The following SERHL2 variants were observed in gnomAD, a reference collection of about 807,000 sequenced individuals.
SERHL2 encodes serine hydrolase like 2, also known as serine hydrolase-like protein 2.
SERHL2 carries 29 observed loss-of-function variants against 25.5 expected under a neutral mutation model. That is an observed-to-expected ratio of 1.14 (90% CI 0.85 to 1.55). The LOEUF is 1.55. Ranked by LOEUF, SERHL2 falls within the 40% of genes most tolerant of loss-of-function variation. The pLI, the probability that SERHL2 is intolerant of heterozygous loss-of-function variation, is 0.00. For missense variants in SERHL2, 240 were observed against 252.3 expected, an observed-to-expected ratio of 0.95 and a Z score of 0.33; for synonymous variants, 95 against 103.5, an observed-to-expected ratio of 0.92 and a Z score of 0.50.
intron 9 of SERHL2, chr22:42,569,726 G>C (rs1923899679): frequency 6.6e-6 from 1 of 150,842 alleles, no homozygotes; most frequent in African/African-American, 2.5e-5. Context: ...GGGAACCCCT[G>C]TTTCAGGGAA....
intron 11 of SERHL2, chr22:42,573,174 G>C (rs1924480953): frequency 6.6e-6 from 1 of 151,766 alleles, no homozygotes; most frequent in Non-Finnish European, 1.5e-5. Context: ...TGTCACAAAG[G>C]GAAGAAGCCC....
chr22:42,559,979 G>A (rs534200204), intron 7 of SERHL2, among the ~76,000 whole-genome samples: 1 of 151,828 alleles, frequency 6.6e-6, no homozygotes, highest in Admixed American at 6.6e-5. Flanking sequence ...GTCCAGCTAA[G>A]TTTTGTATTT....
At chr22:42,563,916 A>T (rs1923009280) in intron 8 of SERHL2, among the ~76,000 whole-genome samples, 2 of 151,764 alleles carry the variant, frequency 1.3e-5, no homozygotes, top group Non-Finnish European at 2.9e-5. Flanking sequence ...TCTACTAAAA[A>T]TACAAAAGTA....
At position 42,572,772 on chromosome 22, in the gene SERHL2, C is replaced by T. The variant is rs968771933; in HGVS notation, c.825+243C>T. 9 of 968,262 alleles carry T rather than the reference C, an allele frequency of 9.3e-6. No homozygotes were observed. In the Admixed American group the frequency reaches 4.9e-4, roughly 53 times the overall value. The allele number at this position is 968,262 out of a possible 1,614,324, so 60.0% of individuals were successfully genotyped here. A position where few individuals can be genotyped will look rare whatever the true frequency, so the allele number is the denominator to read the frequency against. ...GAACCCCTGCCAGGTTCAAGCTACT[C>T]TCGTGCCTCAGCCTCCTGAGTAGCT... On this transcript the variant is annotated intron_variant, in intron 11 of 11. Coordinates refer to ENST00000327678, the MANE Select transcript of SERHL2 (RefSeq NM_014509.5).
chr22:42,571,478 C>A, intron 10 of SERHL2: 3 of 1,284,934 alleles, frequency 2.3e-6, no homozygotes, highest in Non-Finnish European at 3.0e-6. Context: ...GGCTCCATAA[C>A]CAGTGAGCCC....
chr22:42,563,190 CTTTTTTTT>C lies in SERHL2; in HGVS notation c.613+2933_613+2940del, dbSNP rs754138896. Among the ~76,000 whole-genome samples, 71 of 97,990 alleles carry C rather than the reference CTTTTTTTT, an allele frequency of 7.2e-4. 2 individuals are homozygous for C. The highest frequency in any genetic ancestry group is 4.1e-3 in the Admixed American group (44 of 10,850). The allele number at this position is 97,990 out of a possible 152,430, so 64.3% of individuals were successfully genotyped here. On this transcript the variant is annotated intron_variant, in intron 8 of 11. Coordinates refer to ENST00000327678, the MANE Select transcript of SERHL2 (RefSeq NM_014509.5). ...CAAGACCCTGGCTTTTTCTTTTTTT[CTTTTTTTT>C]TTTTTTTGTTGTTGTTGTTGTTTTC...
At chr22:42,572,313 G>C in intron 10 of SERHL2, 123 bp from the exon 11 acceptor site, 5 of 652,774 alleles carry the variant, frequency 7.7e-6, no homozygotes, top group Non-Finnish European at 1.3e-5. Context: ...ACCCAGCTGT[G>C]GGAGTTGGGG....
rs565064303 is a variant in SERHL2 at position 42,563,606 on chromosome 22, GATA to G, written c.614-2692_614-2690del. ...TAAGCTGGACTGCATACAGGTTGCAGATAATAATTTGTTTAACTTGTGCAGTTT... is the reference window on the plus strand; with the variant it reads ...TAAGCTGGACTGCATACAGGTTGCAGATAATTTGTTTAACTTGTGCAGTTT... On this transcript the variant is annotated intron_variant, in intron 8 of 11. Coordinates refer to ENST00000327678, the MANE Select transcript of SERHL2 (RefSeq NM_014509.5). The G allele has an allele frequency of 3.5e-3, 640 of 180,892 alleles. 6 individuals are homozygous for G. The highest frequency in any genetic ancestry group is 0.014 in the African/African-American group (599 of 42,128). The allele number at this position is 180,892 out of a possible 1,614,324, so 11.2% of individuals were successfully genotyped here.
At chr22:42,560,119 TCTCCTTTTTATCTGAC>T (rs1922498452) in intron 7 of SERHL2, 51 bp from the exon 8 acceptor site, 1 of 1,240,294 alleles carries the variant, frequency 8.1e-7, no homozygotes, top group African/African-American at 1.5e-5. Flanking sequence ...CCGGCCCTCC[TCTCCTTTTTATCTGAC>T]CTCCTTTTTA....
intron 1 of SERHL2, among the ~76,000 whole-genome samples, chr22:42,554,644 T>TGACCAGCGCCCCCGCCCC (rs1249435256): frequency 6.6e-6 from 1 of 152,004 alleles, no homozygotes. Flanking sequence ...GGTCCAGGCC[T>TGACCAGCGCCCCCGCCCC]GACCAGCGCC....
chr22:42,571,364 T>C (rs1924163674), intron 10 of SERHL2, 161 bp downstream of exon 10: 1 of 1,460,380 alleles, frequency 6.8e-7, no homozygotes. Flanking sequence ...AGCAGGGTCA[T>C]GGAAGGAGGA....
Position 42,573,936 on chromosome 22 carries a change from C to T in SERHL2, c.826C>T (p.Gln276Ter). The change falls in exon 12 of 12, where the codon CAG (glutamine) becomes TAG (stop). Residue 276 changes from glutamine to a stop codon, truncating the protein, a stop_gained and splice_region_variant. Coordinates refer to ENST00000327678, the MANE Select transcript of SERHL2 (RefSeq NM_014509.5). LOFTEE classifies it low-confidence loss of function (END_TRUNC). ...IDTMKSTLKE[Q>*]FQFVEVPGNH... is the part of the protein sequence containing the mutation. ...ACCACCCACCCCCTCCCCTCTCCAG[C>T]AGTTCCAGTTTGTGGAAGTCCCAGG... 1 of 1,609,408 alleles carries T rather than the reference C, an allele frequency of 6.2e-7. No individual in the cohort carries two copies. Among genetic ancestry groups the T allele is most frequent in the Non-Finnish European group, 8.5e-7 (1 of 1,176,860 alleles).
chr22:42,562,328 G>GA, intron 8 of SERHL2, among the ~76,000 whole-genome samples: 1 of 151,816 alleles, frequency 6.6e-6, no homozygotes. Flanking sequence ...GATTCCTCCA[G>GA]AATCTGGAGC....
rs11913884 is a variant in SERHL2, at chr22:42,571,234, C to T, written c.731+31C>T. On this transcript the variant is annotated intron_variant, in intron 10 of 11. Transcript: ENST00000327678. ...TCTGGACCCATCCCCTTCAGCCACC[C>T]GCCAAGGAGACATGGGCGCCAGGAA... The T allele has an allele frequency of 9.7e-4, 1,559 of 1,606,384 alleles. 26 individuals are homozygous for T. In the African/African-American group the frequency reaches 0.016, roughly 16 times the overall value.
intron 9 of SERHL2, 98 bp downstream of exon 9, chr22:42,566,436 T>G: frequency 7.7e-6 from 9 of 1,163,442 alleles, no homozygotes; most frequent in Non-Finnish European, 1.0e-5. Flanking sequence ...CTCACGCCTG[T>G]AATCCCAGCT....
chr22:42,571,363 A>G (rs1179701460), intron 10 of SERHL2, 160 bp downstream of exon 10: 17 of 1,460,942 alleles, frequency 1.2e-5, no homozygotes, highest in Non-Finnish European at 1.4e-5. Context: ...CAGCAGGGTC[A>G]TGGAAGGAGG....
chr22:42,563,699 C>T (rs1198094494), intron 8 of SERHL2, among the ~76,000 whole-genome samples: 2 of 151,846 alleles, frequency 1.3e-5, no homozygotes, highest in African/African-American at 2.4e-5. Context: ...TTTTATTATA[C>T]TCTTTTTATT....
intron 8 of SERHL2, among the ~76,000 whole-genome samples, chr22:42,563,806 G>GC (rs1922998623): frequency 6.6e-6 from 1 of 151,980 alleles, no homozygotes; most frequent in African/African-American, 2.4e-5. Flanking sequence ...AGGCACAGTG[G>GC]CTCATGCCTG....
chr22:42,565,662 C>A (rs1230715505), intron 8 of SERHL2, among the ~76,000 whole-genome samples: 1 of 151,170 alleles, frequency 6.6e-6, no homozygotes, highest in African/African-American at 2.4e-5. Flanking sequence ...GAGATGGGGT[C>A]CTGCTCCATT....
Sources: gnomAD v4.1 joint callset for allele counts (sites outside exome capture counted in the v4.1 genomes callset) on GRCh38, gnomAD v4.1.1 for gene constraint, MANE v1.5 for transcripts, NCBI Gene and HGNC (gene_info 2026-07-23, HGNC 2026-07-21) for gene names.